Variants in SLC44A5 observed in about 807,000 individuals in gnomAD.
SLC44A5 encodes choline transporter-like protein 5.
A neutral mutation model predicts 101.8 loss-of-function variants in SLC44A5; 57 were observed. That is an observed-to-expected ratio of 0.56 (90% CI 0.45 to 0.70). SLC44A5 has a LOEUF of 0.70. SLC44A5 is among the 30% of genes least tolerant of loss of function. The pLI is 0.00. For synonymous variants in SLC44A5, 281 were observed against 290.9 expected, an observed-to-expected ratio of 0.97 and a Z score of 0.35; for missense variants, 737 against 853.1, an observed-to-expected ratio of 0.86 and a Z score of 1.70.
At chr1:75,317,480 T>C (rs190428833) in intron 4 of SLC44A5, among the ~76,000 whole-genome samples, 3 of 152,324 alleles carry the variant, frequency 2.0e-5, no homozygotes, top group Admixed American at 2.0e-4. Flanking sequence ...ATTCTCAATG[T>C]TTTTGTGGTT....
chr1:75,388,208 T>TAATAAATAAATA (rs71071944), intron 3 of SLC44A5, among the ~76,000 whole-genome samples: 23,465 of 128,636 alleles, frequency 0.18, 2,378 homozygotes, highest in Non-Finnish European at 0.22. Context: ...ACTTAAAGTG[T>TAATAAATAAATA]AATAAATAAA....
At chr1:75,667,575 A>AC in the SLC44A5 span, among the ~76,000 whole-genome samples, 1 of 151,976 alleles carries the variant, frequency 6.6e-6, no homozygotes, top group Non-Finnish European at 1.5e-5. Flanking sequence ...TTGGAAAAAA[A>AC]TACTTTAAAC....
At chr1:75,410,452 G>C (rs897900609) in intron 2 of SLC44A5, among the ~76,000 whole-genome samples, 3 of 152,042 alleles carry the variant, frequency 2.0e-5, no homozygotes, top group African/African-American at 7.2e-5. Context: ...AGGGTTCATT[G>C]AATGAAGAAG....
intron 6 of SLC44A5, among the ~76,000 whole-genome samples, chr1:75,263,913 A>C (rs1650757740): frequency 6.6e-6 from 1 of 152,124 alleles, no homozygotes; most frequent in South Asian, 2.1e-4. Flanking sequence ...TCTCACTCAT[A>C]AGTGGGAGTT....
rs577947782 is a variant in SLC44A5, at chr1:75,447,058, A to T, written c.14-50437T>A. On this transcript the variant is annotated intron_variant, in intron 2 of 23. Coordinates refer to ENST00000370859, the MANE Select transcript of SLC44A5 (RefSeq NM_001130058.2). ...GAAGGTACCCGGTGCTGATGTCAGA[A>T]CACTCAGAGTGGATGCCTTACTTAG... Among the ~76,000 whole-genome samples, 3 of 152,290 alleles carry T rather than the reference A, an allele frequency of 2.0e-5. No individual in the cohort carries two copies. The South Asian group carries it at 6.2e-4, about 32-fold the overall frequency.
intron 3 of SLC44A5, among the ~76,000 whole-genome samples, chr1:75,367,197 G>C (rs1479598679): frequency 6.6e-6 from 1 of 152,196 alleles, no homozygotes; most frequent in Non-Finnish European, 1.5e-5. Flanking sequence ...ACCTTCTCCT[G>C]TTAGGTCCCC....
At chr1:75,720,394 G>GA in the SLC44A5 span, 1 of 152,142 alleles carries the variant, frequency 6.6e-6, no homozygotes, top group African/African-American at 2.4e-5. Flanking sequence ...GGAGACGTTC[G>GA]AATTATTTCA....
At chr1:75,500,056 A>G (rs577322958) in intron 2 of SLC44A5, among the ~76,000 whole-genome samples, 8 of 152,336 alleles carry the variant, frequency 5.3e-5, no homozygotes, top group African/African-American at 9.6e-5. Context: ...ATGAAGGCCA[A>G]GATGTCCAAA....
chr1:75,213,095 C>G (rs555992822), intron 22 of SLC44A5, among the ~76,000 whole-genome samples: 1 of 152,252 alleles, frequency 6.6e-6, no homozygotes, highest in African/African-American at 2.4e-5. Context: ...GCTGTAACTT[C>G]GGCATGGGTC....
chr1:75,656,829 T>A, the SLC44A5 span, among the ~76,000 whole-genome samples: 1 of 152,168 alleles, frequency 6.6e-6, no homozygotes, highest in Non-Finnish European at 1.5e-5. Flanking sequence ...TACCTATCCA[T>A]AATAACATGA....
chr1:75,545,132 T>A (rs542030479), intron 1 of SLC44A5, among the ~76,000 whole-genome samples: 1 of 152,276 alleles, frequency 6.6e-6, no homozygotes, highest in South Asian at 2.1e-4. Flanking sequence ...CTTGTGATAG[T>A]TTGCTGAGAA....
the SLC44A5 span, among the ~76,000 whole-genome samples, chr1:75,633,999 T>C: frequency 6.6e-6 from 1 of 151,942 alleles, no homozygotes; most frequent in African/African-American, 2.4e-5. Context: ...TTGTCTTTGG[T>C]TCTGTTTATA....
chr1:75,498,432 C>T (rs1384967358), intron 2 of SLC44A5, among the ~76,000 whole-genome samples: 1 of 152,148 alleles, frequency 6.6e-6, no homozygotes, highest in African/African-American at 2.4e-5. Flanking sequence ...ATCATAATTT[C>T]CTTTTTACAA....
chr1:75,470,395 G>T (rs1299229153), intron 2 of SLC44A5, among the ~76,000 whole-genome samples: 1 of 152,136 alleles, frequency 6.6e-6, no homozygotes, highest in Non-Finnish European at 1.5e-5. Flanking sequence ...AGGTCCCCAC[G>T]TTTGAAATAA....
At chr1:75,274,823 T>G (rs951076069) in intron 6 of SLC44A5, 135 bp downstream of exon 6, 5 of 677,974 alleles carry the variant, frequency 7.4e-6, no homozygotes, top group Middle Eastern at 3.6e-4. Flanking sequence ...TAGCTATCTG[T>G]TAGAAAAAAG....
At chr1:75,386,655 A>G (rs1570094015) in intron 3 of SLC44A5, among the ~76,000 whole-genome samples, 1 of 152,290 alleles carries the variant, frequency 6.6e-6, no homozygotes, top group Admixed American at 6.5e-5. Flanking sequence ...TACAGATTCA[A>G]TGCCATCCCT....
intron 2 of SLC44A5, among the ~76,000 whole-genome samples, chr1:75,423,048 G>A (rs1016329770): frequency 1.3e-5 from 2 of 152,114 alleles, no homozygotes; most frequent in African/African-American, 4.8e-5. Context: ...TCCATTTATT[G>A]ACATTAAATC....
At chr1:75,227,620 G>A (rs1647236396) in intron 13 of SLC44A5, 106 bp downstream of exon 13, 5 of 819,408 alleles carry the variant, frequency 6.1e-6, no homozygotes, top group Non-Finnish European at 8.9e-6. Flanking sequence ...TATGACACTA[G>A]TGATAAATAC....
At chr1:75,326,717 C>T (rs1399102225) in intron 4 of SLC44A5, among the ~76,000 whole-genome samples, 2 of 152,092 alleles carry the variant, frequency 1.3e-5, no homozygotes, top group African/African-American at 4.8e-5. Flanking sequence ...GAAATCAAAC[C>T]TCTTCCAGAA....
Sources: gnomAD v4.1 joint callset for allele counts (sites outside exome capture counted in the v4.1 genomes callset) on GRCh38, gnomAD v4.1.1 for gene constraint, MANE v1.5 for transcripts, NCBI Gene and HGNC (gene_info 2026-07-23, HGNC 2026-07-21) for gene names.